Variants in TPPP2 observed in about 807,000 individuals in gnomAD.
TPPP2 encodes tubulin polymerization promoting protein family member 2.
In TPPP2, 8 loss-of-function variants were observed where a neutral mutation model predicts 13.0. The ratio of observed to expected loss-of-function variants is 0.62; its 90% CI spans 0.36 to 1.11. TPPP2 has a LOEUF of 1.11. TPPP2 is among the 50% of genes most tolerant of loss of function. The pLI is 0.02. For synonymous variants in TPPP2, 81 were observed against 81.8 expected (o/e 0.99, Z 0.05); for missense variants, 213 against 216.9 (o/e 0.98, Z 0.11).
At chr14:21,027,368 T>C, upstream of TPPP2, among the ~76,000 whole-genome samples, 1 of 152,162 alleles carries the variant, frequency 6.6e-6, no homozygotes, top group East Asian at 1.9e-4. Flanking sequence ...ACTGTGTAGA[T>C]GAAATTCAAA....
chr14:21,030,568 A>T lies in TPPP2; in HGVS notation c.-14A>T. 3 of 1,611,006 alleles carry T rather than the reference A, an allele frequency of 1.9e-6. No homozygotes were observed. The highest frequency in any genetic ancestry group is 2.5e-6 in the Non-Finnish European group (3 of 1,178,770). On this transcript the variant is annotated 5_prime_UTR_variant, in exon 2 of 4. Coordinates refer to ENST00000321760, the MANE Select transcript of TPPP2 (RefSeq NM_173846.5). ...GTGTCTCCCACGACTGCCCTCCCCG[A>T]CCTCTAGCTGACCATGGCATCAGAG... is the stretch of plus-strand genomic sequence containing the variant.
chr14:21,025,851 C>T (rs1190926513), upstream of TPPP2: 1 of 335,326 alleles, frequency 3.0e-6, no homozygotes, highest in Non-Finnish European at 4.2e-6. The surrounding 1 kb of genome is among the most constrained non-coding windows in gnomAD (Gnocchi z 5.1). Context: ...GGGTCAATGC[C>T]TCAAGGGGCG....
downstream of TPPP2, chr14:21,036,340 G>A (rs1422774547): frequency 6.8e-6 from 3 of 442,150 alleles, no homozygotes; most frequent in Non-Finnish European, 1.4e-5. Flanking sequence ...TAGGGTAGGG[G>A]TGCCCAGTCT....
rs989974119 is a variant in TPPP2, at chr14:21,030,904, A to G, written c.174-108A>G. Reference sequence around the variant, plus strand: ...GCTATCCTTTGTCTTCGAGACACTCACTGATTGATAGGACAAAAGAGGCCA... The same window carrying G: ...GCTATCCTTTGTCTTCGAGACACTCGCTGATTGATAGGACAAAAGAGGCCA... On this transcript the variant is annotated intron_variant, in intron 2 of 3. Coordinates refer to ENST00000321760, the MANE Select transcript of TPPP2 (RefSeq NM_173846.5). The G allele has an allele frequency of 4.7e-5, 71 of 1,515,478 alleles. No individual in the cohort carries two copies. In the Admixed American group the frequency reaches 9.1e-4, roughly 19 times the overall value. 93.9% of individuals were successfully genotyped at this position (1,515,478 alleles called of 1,614,324 possible).
At chr14:21,035,939 C>T (rs749995984), downstream of TPPP2, 3 of 427,998 alleles carry the variant, frequency 7.0e-6, no homozygotes, top group Admixed American at 2.6e-5. Context: ...CCTGCCTCTG[C>T]AGCTTACAAA....
upstream of TPPP2, chr14:21,025,660 G>T (rs1047365205): frequency 9.1e-6 from 9 of 985,158 alleles, no homozygotes; most frequent in Non-Finnish European, 1.1e-5. The surrounding 1 kb of genome is among the most constrained non-coding windows in gnomAD (Gnocchi z 5.1). Context: ...ACTCCCTCGT[G>T]CCCAGAGTCC....
chr14:21,026,583 G>A (rs1883662946), upstream of TPPP2, among the ~76,000 whole-genome samples: 2 of 151,046 alleles, frequency 1.3e-5, no homozygotes, highest in East Asian at 2.0e-4. Context: ...CCACTTGGCA[G>A]GGTCTACTGG....
upstream of TPPP2, chr14:21,025,505 C>T (rs1284105340): frequency 4.1e-6 from 4 of 985,450 alleles, no homozygotes; most frequent in Non-Finnish European, 4.8e-6. The surrounding 1 kb of genome is among the most constrained non-coding windows in gnomAD (Gnocchi z 5.1). Flanking sequence ...TCGACTCCCC[C>T]CGCCCGAACA....
At chr14:21,035,018 T>C (rs750993925), downstream of TPPP2, among the ~76,000 whole-genome samples, 3 of 152,252 alleles carry the variant, frequency 2.0e-5, no homozygotes, top group Admixed American at 6.5e-5. Context: ...ACTGTTATGT[T>C]TCTGAGGAAC....
intron 3 of TPPP2, 64 bp from the exon 4 acceptor site, chr14:21,031,828 T>A: frequency 6.5e-7 from 1 of 1,544,922 alleles, no homozygotes; most frequent in African/African-American, 1.4e-5. Context: ...TCGGGCCATC[T>A]TTGGGGAAGG....
intron 1 of TPPP2, 86 bp from the exon 2 acceptor site, chr14:21,030,427 G>A: frequency 1.3e-6 from 1 of 746,704 alleles, no homozygotes; most frequent in East Asian, 2.7e-5. Flanking sequence ...AGCTGGGAGG[G>A]AGAAAGGAGA....
chr14:21,024,302 A>C (rs1392576068), exon 1 of TPPP2: 2 of 985,480 alleles, frequency 2.0e-6, no homozygotes, highest in African/African-American at 1.7e-5. Flanking sequence ...CAAGGGCATC[A>C]GTTCAGGCTG....
upstream of TPPP2, chr14:21,025,276 C>T (rs1012053381): frequency 5.5e-6 from 5 of 912,396 alleles, no homozygotes; most frequent in Non-Finnish European, 6.6e-6. The surrounding 1 kb of genome is among the most constrained non-coding windows in gnomAD (Gnocchi z 5.1). Flanking sequence ...AGGCTCTGCT[C>T]GGCTCACCAA....
chr14:21,024,392 G>A, intron 1 of TPPP2: 2 of 906,860 alleles, frequency 2.2e-6, no homozygotes, highest in Non-Finnish European at 2.6e-6. Context: ...TCCCGGCTCT[G>A]CCACTCCCAG....
chr14:21,026,359 G>A (rs2029888716), upstream of TPPP2, among the ~76,000 whole-genome samples: 3 of 144,414 alleles, frequency 2.1e-5, no homozygotes, highest in Admixed American at 7.0e-5. Flanking sequence ...CTTCAGACTG[G>A]TTCCTGAGTT....
chr14:21,026,108 C>G (rs1883581563), upstream of TPPP2, among the ~76,000 whole-genome samples: 1 of 152,068 alleles, frequency 6.6e-6, no homozygotes, highest in Admixed American at 6.5e-5. Context: ...CCTCTCGGTG[C>G]CCGAGTGGGT....
rs1426226530 is a variant in TPPP2 at position 21,032,685 on chromosome 14, C to T, written c.*608C>T. ...CCCACATCACCTCCATCATGGGGCA[C>T]ATGGGACAGAAGAGCTTACTGACTG... On this transcript the variant is annotated 3_prime_UTR_variant, in exon 4 of 4. Coordinates refer to ENST00000321760, the MANE Select transcript of TPPP2 (RefSeq NM_173846.5). 1.1e-5 allele frequency: 4 copies of T among 348,562 alleles called. No individual in the cohort carries two copies. Among genetic ancestry groups the T allele is most frequent in the African/African-American group, 8.7e-5 (4 of 46,218 alleles). 21.6% of individuals were successfully genotyped at this position (348,562 alleles called of 1,614,324 possible).
At chr14:21,026,809 C>G (rs1883694595), upstream of TPPP2, among the ~76,000 whole-genome samples, 1 of 152,094 alleles carries the variant, frequency 6.6e-6, no homozygotes, top group African/African-American at 2.4e-5. Flanking sequence ...TCTCCTAGTC[C>G]CCTCTTCCCT....
At chr14:21,026,152 G>GCA (rs147701833), upstream of TPPP2, among the ~76,000 whole-genome samples, 110 of 149,688 alleles carry the variant, frequency 7.3e-4, no homozygotes, top group South Asian at 2.3e-3. Flanking sequence ...ACACGCACAC[G>GCA]CACACACACA....
Sources: gnomAD v4.1 joint callset for allele counts (sites outside exome capture counted in the v4.1 genomes callset) on GRCh38, gnomAD v4.1.1 for gene constraint, Gnocchi (gnomAD v3.1) non-coding constraint, MANE v1.5 for transcripts, NCBI Gene and HGNC (gene_info 2026-07-23, HGNC 2026-07-21) for gene names.